XRN1: variants seen among roughly 807,000 people sequenced by gnomAD.
XRN1 encodes the protein 5'-3' exoribonuclease 1, also known as strand-exchange protein 1 homolog.
A neutral mutation model predicts 222.3 loss-of-function variants in XRN1; 67 were observed. The ratio of observed to expected loss-of-function variants is 0.30; its 90% confidence interval spans 0.25 to 0.37. The LOEUF (loss-of-function observed/expected upper bound fraction) is 0.37. XRN1 is among the 10% of genes least tolerant of loss of function. XRN1 has a pLI of 1.00. For missense variants in XRN1, 1,707 were observed against 2,000.2 expected (o/e 0.85, Z 2.80); for synonymous variants, 643 against 652.4 (o/e 0.99, Z 0.22).
intron 37 of XRN1, among the ~76,000 whole-genome samples, chr3:142,324,683 A>C (rs1214508919): frequency 1.3e-5 from 2 of 151,846 alleles, no homozygotes; most frequent in African/African-American, 2.4e-5. Context: ...TGACTTCCAC[A>C]ATGGTTGAAC....
At chr3:142,332,898 A>G in intron 35 of XRN1, 69 bp downstream of exon 35, 1 of 1,562,220 alleles carries the variant, frequency 6.4e-7, no homozygotes, top group Non-Finnish European at 8.6e-7. Context: ...GAACACTTGC[A>G]TGGGATATGT....
At chr3:142,344,694 A>C (rs1255835761) in intron 33 of XRN1, among the ~76,000 whole-genome samples, 1 of 152,220 alleles carries the variant, frequency 6.6e-6, no homozygotes, top group South Asian at 2.1e-4. Flanking sequence ...AAATTTAACA[A>C]AAAAGTGTAA....
chr3:142,401,829 T>G (rs772278157), intron 18 of XRN1, among the ~76,000 whole-genome samples: 2 of 152,188 alleles, frequency 1.3e-5, no homozygotes, highest in Non-Finnish European at 2.9e-5. Context: ...TCCACCAATC[T>G]ACCGAAATGG....
intron 2 of XRN1, among the ~76,000 whole-genome samples, chr3:142,428,960 T>C (rs1235264106): frequency 2.0e-5 from 3 of 151,764 alleles, no homozygotes; most frequent in Admixed American, 2.0e-4. Context: ...TAAGAAACAT[T>C]AATATTTAAG....
In XRN1 at chr3:142,383,153, G is replaced by C. The variant is rs1436382562; in HGVS notation, c.2616+147C>G. 1.5e-5 allele frequency: 10 copies of C among 681,952 alleles called. No homozygotes were observed. In the African/African-American group the frequency reaches 1.8e-4, roughly 12 times the overall value. 42.2% of individuals were successfully genotyped at this position (681,952 alleles called of 1,614,324 possible). ...AGATATATAGTATTTAGATATATAA[G>C]TCAAACACTGTGTTCATAAGTTACA... On this transcript the variant is annotated intron_variant, in intron 22 of 40. Coordinates refer to ENST00000392981, the MANE Select transcript of XRN1 (RefSeq NM_001282857.2).
chr3:142,360,194 T>A (rs189251994), intron 29 of XRN1, among the ~76,000 whole-genome samples: 1 of 152,326 alleles, frequency 6.6e-6, no homozygotes, highest in East Asian at 1.9e-4. Context: ...TGATTCCTTA[T>A]GTTTCTTTAT....
intron 37 of XRN1, among the ~76,000 whole-genome samples, chr3:142,328,707 A>T (rs1309162537): frequency 2.9e-3 from 1 of 344 alleles, no homozygotes; most frequent in African/African-American, 0.01. Flanking sequence ...GTAATATTAT[A>T]TATATATATA....
intron 13 of XRN1, among the ~76,000 whole-genome samples, chr3:142,416,074 G>T (rs922413845): frequency 6.6e-6 from 1 of 151,424 alleles, no homozygotes; most frequent in Non-Finnish European, 1.5e-5. Flanking sequence ...GACAGAACGA[G>T]ACTCTGTCTC....
At chr3:142,384,731 A>C (rs764370750) in intron 20 of XRN1, 46 bp from the exon 21 acceptor site, 1 of 1,389,628 alleles carries the variant, frequency 7.2e-7, no homozygotes, top group Admixed American at 2.3e-5. Context: ...ATGAGTATGC[A>C]GATATTCTAG....
chr3:142,315,570 G>A (rs1323232660), intron 39 of XRN1, among the ~76,000 whole-genome samples: 10 of 149,972 alleles, frequency 6.7e-5, no homozygotes, highest in East Asian at 2.0e-4. Flanking sequence ...GTGTAGTGGC[G>A]CGATTTCAGC....
chr3:142,352,058 T>A (rs559660233), intron 32 of XRN1, among the ~76,000 whole-genome samples: 14 of 152,312 alleles, frequency 9.2e-5, no homozygotes, highest in African/African-American at 3.1e-4. Flanking sequence ...ATATTATAAA[T>A]CATTCTATCA....
rs141261783 is a variant in XRN1, at chr3:142,310,788, T to A, written c.*723A>T. 1.3e-5 allele frequency: 2 copies of A among 152,762 alleles called. No individual in the cohort carries two copies. Among genetic ancestry groups the A allele is most frequent in the East Asian group, 3.9e-4 (2 of 5,188 alleles). The allele number at this position is 152,762 out of a possible 1,614,324, so 9.5% of individuals were successfully genotyped here. On this transcript the variant is annotated 3_prime_UTR_variant, in exon 41 of 41. Coordinates refer to ENST00000392981, the MANE Select transcript of XRN1 (RefSeq NM_001282857.2). Reference sequence around the variant, plus strand: ...CAATTTTACTAGAAATTACTAATGCTGGTTCTTGAGTAACCTAAAAAATTG... The same window carrying A: ...CAATTTTACTAGAAATTACTAATGCAGGTTCTTGAGTAACCTAAAAAATTG...
At chr3:142,329,688 T>G in intron 36 of XRN1, 73 bp from the exon 37 acceptor site, 1 of 1,416,602 alleles carries the variant, frequency 7.1e-7, no homozygotes, top group Non-Finnish European at 9.3e-7. Flanking sequence ...ATTGTAGGGT[T>G]TTATAGAAGA....
At position 142,422,534 on chromosome 3, in the gene XRN1, G is replaced by GC. The variant is rs781266890; in HGVS notation, c.967+47_967+48insG. 1.5e-5 allele frequency: 24 copies of GC among 1,551,244 alleles called. No homozygotes were observed. The South Asian group carries it at 2.7e-4, about 17-fold the overall frequency. On this transcript the variant is annotated intron_variant, in intron 8 of 40. Transcript: ENST00000392981. Reference sequence around the variant, plus strand: ...AACTAAGTCACATTTTTAGGGTAAGGTGGCACTAAATTAAAGTATCCTCGA... The same window carrying GC: ...AACTAAGTCACATTTTTAGGGTAAGGCTGGCACTAAATTAAAGTATCCTCGA...
At chr3:142,395,389 T>C (rs2067890785) in intron 20 of XRN1, among the ~76,000 whole-genome samples, 1 of 152,236 alleles carries the variant, frequency 6.6e-6, no homozygotes, top group Non-Finnish European at 1.5e-5. Flanking sequence ...ACAGCCTGAA[T>C]TGGCAGGCAC....
intron 37 of XRN1, among the ~76,000 whole-genome samples, chr3:142,324,288 TC>T (rs2065453085): frequency 7.8e-6 from 1 of 128,228 alleles, no homozygotes; most frequent in South Asian, 2.9e-4. Context: ...ATGTTCCCCT[TC>T]CTGTGTCCAT....
chr3:142,337,505 T>C (rs2065883033), intron 33 of XRN1, among the ~76,000 whole-genome samples: 1 of 152,084 alleles, frequency 6.6e-6, no homozygotes, highest in African/African-American at 2.4e-5. Context: ...AACAAATGAG[T>C]CATATTTTGA....
chr3:142,347,020 A>T (rs2066163443), intron 33 of XRN1, among the ~76,000 whole-genome samples: 1 of 152,218 alleles, frequency 6.6e-6, no homozygotes, highest in African/African-American at 2.4e-5. Context: ...GTGACTGCTA[A>T]TAGGTATGGT....
At chr3:142,378,632 A>C (rs1189597183) in intron 23 of XRN1, among the ~76,000 whole-genome samples, 1 of 152,226 alleles carries the variant, frequency 6.6e-6, no homozygotes, top group Non-Finnish European at 1.5e-5. Flanking sequence ...AAAACTAAGA[A>C]GATCAATCCA....
Sources: allele counts gnomAD v4.1 joint callset (sites outside exome capture counted in the v4.1 genomes callset), GRCh38; gene constraint gnomAD v4.1.1; transcripts MANE v1.5; gene names NCBI Gene and HGNC (gene_info 2026-07-23, HGNC 2026-07-21).